Variants in KDM4C observed in about 807,000 individuals in gnomAD.
KDM4C encodes the protein lysine demethylase 4C, also known as lysine-specific demethylase 4C.
Under a neutral mutation model 129.3 loss-of-function variants are expected in KDM4C, and 81 were observed. The observed-to-expected ratio is 0.63, with a 90% CI of 0.52 to 0.75. The LOEUF (loss-of-function observed/expected upper bound fraction) is 0.75, where lower values mean the gene tolerates loss of function less well. Among genes scored for constraint, KDM4C ranks in the 30% least tolerant of loss-of-function variants. The pLI is 0.00. For missense variants in KDM4C, 1,457 were observed against 1,304.0 expected (o/e 1.12, Z -1.81); for synonymous variants, 573 against 456.1 (o/e 1.26, Z -3.26).
intron 1 of KDM4C, among the ~76,000 whole-genome samples, chr9:6,771,094 T>C (rs1385701645): frequency 1.5e-5 from 2 of 136,114 alleles, no homozygotes; most frequent in East Asian, 4.1e-4. Context: ...TTTTTTTTTT[T>C]TTTTTTTTTT....
intron 15 of KDM4C, among the ~76,000 whole-genome samples, chr9:7,025,551 G>C (rs892770680): frequency 2.0e-5 from 3 of 151,946 alleles, no homozygotes; most frequent in African/African-American, 7.3e-5. Flanking sequence ...GTTATGATGA[G>C]TCTTGCAAAT....
At chr9:6,866,904 C>CATATATATATAT in intron 5 of KDM4C, among the ~76,000 whole-genome samples, 1 of 131,076 alleles carries the variant, frequency 7.6e-6, no homozygotes, top group South Asian at 2.3e-4. Context: ...TATATATATA[C>CATATATATATAT]ATATATATAT....
At chr9:7,131,727 A>T (rs1840663923) in intron 19 of KDM4C, among the ~76,000 whole-genome samples, 1 of 152,206 alleles carries the variant, frequency 6.6e-6, no homozygotes, top group South Asian at 2.1e-4. Flanking sequence ...TACCCTGCTC[A>T]GTACCCTAAT....
intron 12 of KDM4C, among the ~76,000 whole-genome samples, chr9:7,010,091 T>G (rs374207324): frequency 4.6e-5 from 7 of 152,270 alleles, no homozygotes; most frequent in Non-Finnish European, 7.3e-5. Flanking sequence ...GGTGCAGTAT[T>G]AAATCATAAA....
intron 19 of KDM4C, among the ~76,000 whole-genome samples, chr9:7,153,723 T>C (rs1277019882): frequency 6.6e-6 from 1 of 152,196 alleles, no homozygotes; most frequent in Non-Finnish European, 1.5e-5. Context: ...GAAACTGACA[T>C]TGATTTAGCC....
chr9:7,121,347 G>C (rs1161964379), intron 18 of KDM4C, among the ~76,000 whole-genome samples: 1 of 152,172 alleles, frequency 6.6e-6, no homozygotes, highest in Non-Finnish European at 1.5e-5. Context: ...GGTAACTTGG[G>C]CTTGTTCACA....
intron 1 of KDM4C, among the ~76,000 whole-genome samples, chr9:6,787,464 C>G (rs1825723067): frequency 6.6e-6 from 1 of 152,230 alleles, no homozygotes; most frequent in Non-Finnish European, 1.5e-5. Flanking sequence ...AATTCCTGAC[C>G]TCAGGTCATC....
chr9:7,100,611 A>G (rs1486231075), intron 17 of KDM4C, among the ~76,000 whole-genome samples: 1 of 152,190 alleles, frequency 6.6e-6, no homozygotes, highest in Non-Finnish European at 1.5e-5. Context: ...AAGTACTGGG[A>G]TTATAGGCAT....
intron 1 of KDM4C, among the ~76,000 whole-genome samples, chr9:6,780,768 CAAAAAAAAAA>C (rs34457968): frequency 3.1e-5 from 1 of 32,158 alleles, no homozygotes; most frequent in Non-Finnish European, 5.1e-5. Context: ...AACTCCCTCT[CAAAAAAAAAA>C]AAAAAAAAAA....
chr9:7,037,834 G>GTA (rs756380970), intron 15 of KDM4C, among the ~76,000 whole-genome samples: 108 of 152,094 alleles, frequency 7.1e-4, no homozygotes, highest in African/African-American at 2.2e-3. Context: ...AGGCATTTTA[G>GTA]TATATATATT....
intron 7 of KDM4C, among the ~76,000 whole-genome samples, chr9:6,892,125 G>A (rs79639974): frequency 0.057 from 8,689 of 152,208 alleles, 471 homozygotes; most frequent in East Asian, 0.27. Context: ...CATTGCTTCA[G>A]TGGCCAAATC....
chr9:6,776,649 G>C (rs1249301550), intron 1 of KDM4C, among the ~76,000 whole-genome samples: 1 of 142,338 alleles, frequency 7.0e-6, no homozygotes, highest in Non-Finnish European at 1.5e-5. Context: ...TTTTTGACCA[G>C]GCTGGAGTGC....
chr9:6,936,607 C>T lies in KDM4C; in HGVS notation c.921+43375C>T, dbSNP rs7861255. ...TTTGCTTTTCCTGGTTTAGGTTGAA[C>T]GCCATATCATTCTGATGAATGAGAA... is the stretch of plus-strand genomic sequence containing the variant. On this transcript the variant is annotated intron_variant, in intron 8 of 21. Transcript: ENST00000381309. 3.5e-3 allele frequency among the ~76,000 whole-genome samples: 534 copies of T among 152,240 alleles called. 2 individuals carry two copies. The highest frequency in any genetic ancestry group is 0.012 in the African/African-American group (496 of 41,544).
chr9:6,809,342 G>T (rs544547556), intron 3 of KDM4C, among the ~76,000 whole-genome samples: 1 of 152,290 alleles, frequency 6.6e-6, no homozygotes, highest in South Asian at 2.1e-4. Context: ...GATTGCAGAG[G>T]CAATTAAACC....
rs764074266 is a variant in KDM4C, at chr9:6,814,494, A to G, written c.321-137A>G. 1.1e-5 allele frequency: 6 copies of G among 532,486 alleles called. No individual in the cohort carries two copies. The Admixed American group carries it at 1.8e-4, about 16-fold the overall frequency. The allele number at this position is 532,486 out of a possible 1,614,324, so 33.0% of individuals were successfully genotyped here. ...GCTATGTAAATCAGTTTGTATGTTT[A>G]CTTGTTAGAATTGACAACATGCAGT... On this transcript the variant is annotated intron_variant, in intron 3 of 21. Coordinates refer to ENST00000381309, the MANE Select transcript of KDM4C (RefSeq NM_015061.6).
intron 1 of KDM4C, among the ~76,000 whole-genome samples, chr9:6,743,231 A>C (rs1401167954): frequency 3.3e-5 from 5 of 152,328 alleles, no homozygotes; most frequent in Middle Eastern, 3.4e-3. Context: ...AGGTCGACTG[A>C]AATGGTTTTG....
intron 12 of KDM4C, among the ~76,000 whole-genome samples, chr9:7,004,002 T>C (rs551691525): frequency 1.3e-5 from 2 of 152,318 alleles, no homozygotes; most frequent in East Asian, 3.9e-4. Context: ...ACGTAACAGA[T>C]GCTGCTGTGC....
intron 20 of KDM4C, among the ~76,000 whole-genome samples, chr9:7,166,531 C>T (rs972525256): frequency 6.6e-6 from 1 of 151,986 alleles, no homozygotes; most frequent in African/African-American, 2.4e-5. Flanking sequence ...GATACAAATT[C>T]AAGTTATTTA....
At chr9:7,171,410 G>A (rs114600277) in intron 21 of KDM4C, among the ~76,000 whole-genome samples, 1,814 of 152,314 alleles carry the variant, frequency 0.012, 41 homozygotes, top group African/African-American at 0.041. Context: ...TTTTCGAGAT[G>A]TTAGAGATAG....
Sources: allele counts gnomAD v4.1 joint callset (sites outside exome capture counted in the v4.1 genomes callset), GRCh38; gene constraint gnomAD v4.1.1; transcripts MANE v1.5; gene names NCBI Gene and HGNC (gene_info 2026-07-23, HGNC 2026-07-21).